TRPC5: variants seen among roughly 807,000 people sequenced by gnomAD.
TRPC5 encodes the protein transient receptor potential cation channel subfamily C member 5, also known as short transient receptor potential channel 5.
A neutral mutation model predicts 56.5 loss-of-function variants in TRPC5; 9 were observed. The ratio of observed to expected loss-of-function variants is 0.16; its 90% CI spans 0.10 to 0.28. TRPC5 has a LOEUF of 0.28. Among genes scored for constraint, TRPC5 ranks in the 10% least tolerant of loss-of-function variants. TRPC5 has a pLI of 1.00. For synonymous variants in TRPC5, 282 were observed against 278.5 expected (o/e 1.01, Z -0.13); for missense variants, 469 against 748.9 (o/e 0.63, Z 4.36).
At chrX:111,818,706 C>T (rs1478252759) in intron 7 of TRPC5, among the ~76,000 whole-genome samples, 11 of 106,671 alleles carry the variant, frequency 1.0e-4, no homozygotes, top group Non-Finnish European at 3.9e-5. Flanking sequence ...CAGGTTCTAG[C>T]GATTCTCCTC....
chrX:111,907,888 G>C (rs1036088814), intron 3 of TRPC5, among the ~76,000 whole-genome samples: 11 of 110,610 alleles, frequency 9.9e-5, no homozygotes, highest in Non-Finnish European at 1.9e-4. Flanking sequence ...GATATTTACT[G>C]AACAGACTTA....
intron 7 of TRPC5, among the ~76,000 whole-genome samples, chrX:111,821,969 A>G (rs1468628848): frequency 1.8e-5 from 2 of 111,725 alleles, no homozygotes; most frequent in Admixed American, 9.5e-5. Flanking sequence ...AGTGGTCCAG[A>G]AACACCACAA....
At chrX:111,998,165 G>A (rs1210543586) in intron 1 of TRPC5, among the ~76,000 whole-genome samples, 1 of 111,740 alleles carries the variant, frequency 8.9e-6, no homozygotes, top group Non-Finnish European at 1.9e-5. Flanking sequence ...GATGACCTCA[G>A]TTTGAAATGC....
intron 5 of TRPC5, among the ~76,000 whole-genome samples, chrX:111,850,864 C>T (rs1449024773): frequency 8.9e-6 from 1 of 112,119 alleles, no homozygotes; most frequent in Non-Finnish European, 1.9e-5. Context: ...TTATTCTAAG[C>T]TTTCCTGTTT....
intron 1 of TRPC5, among the ~76,000 whole-genome samples, chrX:111,981,704 C>A (rs1224407158): frequency 8.9e-6 from 1 of 111,750 alleles, no homozygotes; most frequent in East Asian, 2.8e-4. Flanking sequence ...GAGGTAAAAT[C>A]CTTGAGTGAT....
chrX:112,073,357 C>A (rs1930759466), intron 1 of TRPC5, among the ~76,000 whole-genome samples: 1 of 111,154 alleles, frequency 9.0e-6, no homozygotes, highest in East Asian at 2.8e-4. Flanking sequence ...GTAACCTCCA[C>A]CTCCTGAGTT....
intron 7 of TRPC5, among the ~76,000 whole-genome samples, chrX:111,821,915 C>T (rs182040042): frequency 4.5e-5 from 5 of 111,014 alleles, no homozygotes; most frequent in East Asian, 2.8e-4. Context: ...CTTTAGGTTC[C>T]GGGGTACCCT....
intron 9 of TRPC5, among the ~76,000 whole-genome samples, chrX:111,780,246 T>G (rs1218020933): frequency 2.7e-5 from 3 of 111,319 alleles, no homozygotes; most frequent in African/African-American, 9.8e-5. Flanking sequence ...TTGGCTGTTT[T>G]CTAGCTGGTG....
In TRPC5 at chrX:111,954,276, A is replaced by G. The variant is rs1002261743; in HGVS notation, c.-21-1835T>C. ...CAATTAGCTTCTATTTATTTAATCA[A>G]TACAAACACACTGAGAGCCTCTATT... On this transcript the variant is annotated intron_variant, in intron 1 of 10. Transcript: ENST00000262839. 3.6e-5 allele frequency among the ~76,000 whole-genome samples: 4 copies of G among 112,088 alleles called. No individual in the cohort carries two copies. In the East Asian group the frequency reaches 8.4e-4, roughly 24 times the overall value.
chrX:111,992,434 T>C (rs1401913691), intron 1 of TRPC5, among the ~76,000 whole-genome samples: 2 of 111,485 alleles, frequency 1.8e-5, no homozygotes, highest in Non-Finnish European at 3.8e-5. Context: ...AATTATCATA[T>C]GGCATAATTT....
chrX:111,841,739 C>A (rs1339137582), intron 6 of TRPC5, among the ~76,000 whole-genome samples: 9 of 111,399 alleles, frequency 8.1e-5, no homozygotes, highest in Admixed American at 1.9e-4. Flanking sequence ...GAGACAGAGT[C>A]TCCATGCGAT....
intron 6 of TRPC5, among the ~76,000 whole-genome samples, chrX:111,842,417 C>T (rs1352423916): frequency 9.0e-6 from 1 of 110,833 alleles, no homozygotes; most frequent in African/African-American, 3.3e-5. Context: ...GGATTACAGG[C>T]ATGAGCCACA....
intron 1 of TRPC5, among the ~76,000 whole-genome samples, chrX:111,964,791 A>G (rs1268634845): frequency 9.0e-6 from 1 of 111,376 alleles, no homozygotes; most frequent in Non-Finnish European, 1.9e-5. Context: ...TTTTGTCACC[A>G]CCAGGCCTGC....
chrX:111,817,676 C>T (rs920192181), intron 7 of TRPC5, among the ~76,000 whole-genome samples: 1 of 111,183 alleles, frequency 9.0e-6, no homozygotes, highest in African/African-American at 3.3e-5. Flanking sequence ...GCAGGAAACC[C>T]TGTGAAGTTG....
At chrX:112,042,656 T>G (rs1386390644) in intron 1 of TRPC5, among the ~76,000 whole-genome samples, 2 of 111,626 alleles carry the variant, frequency 1.8e-5, no homozygotes, top group African/African-American at 3.3e-5. Context: ...CACCTGGCTT[T>G]TCTTCTGTCC....
intron 2 of TRPC5, among the ~76,000 whole-genome samples, chrX:111,919,700 A>C (rs1451364167): frequency 8.9e-6 from 1 of 112,341 alleles, no homozygotes; most frequent in Non-Finnish European, 1.9e-5. Flanking sequence ...GGTTTAGAAC[A>C]GAGTTGTCCA....
At chrX:111,983,574 C>T (rs1449825659) in intron 1 of TRPC5, among the ~76,000 whole-genome samples, 1 of 111,658 alleles carries the variant, frequency 9.0e-6, no homozygotes, top group East Asian at 2.8e-4. Flanking sequence ...TTTCAAGTCC[C>T]TGACCATCCA....
rs193259130 is a variant in TRPC5, at chrX:111,864,955, C to A, written c.901-10849G>T. 1.9e-4 allele frequency among the ~76,000 whole-genome samples: 21 copies of A among 111,281 alleles called. No homozygotes were observed. The East Asian group carries it at 5.4e-3, about 28-fold the overall frequency. ...ATGATAGTCCTTGCCCAACGAATTC[C>A]CTTCCTCAGGGGCTTAAAAAGTTTA... On this transcript the variant is annotated intron_variant, in intron 3 of 10. Transcript: ENST00000262839.
Position 111,773,721 on chromosome X carries a change from A to G in TRPC5, c.*2592T>C, listed in dbSNP as rs750158885. The stretch of plus-strand genomic sequence containing the variant: ...CTTTATTTTCTATTTGTAAAATATG[A>G]GGTTGGAATAGAGTAGATCCTTTAT... On this transcript the variant is annotated 3_prime_UTR_variant, in exon 11 of 11. Coordinates refer to ENST00000262839, the MANE Select transcript of TRPC5 (RefSeq NM_012471.3). 1.8e-5 allele frequency among the ~76,000 whole-genome samples: 2 copies of G among 111,359 alleles called. No homozygotes were observed. The highest frequency in any genetic ancestry group is 6.5e-5 in the African/African-American group (2 of 30,711).
Sources: gnomAD v4.1 joint callset for allele counts (sites outside exome capture counted in the v4.1 genomes callset) on GRCh38, gnomAD v4.1.1 for gene constraint, MANE v1.5 for transcripts, NCBI Gene and HGNC (gene_info 2026-07-23, HGNC 2026-07-21) for gene names.